Variants in USP45 observed in about 807,000 individuals in gnomAD.
USP45 encodes ubiquitin specific peptidase 45, also known as ubiquitin carboxyl-terminal hydrolase 45.
Under a neutral mutation model 95.8 loss-of-function variants are expected in USP45, and 89 were observed. The observed-to-expected ratio is 0.93, with a 90% CI of 0.78 to 1.11. USP45 has a LOEUF of 1.11. Among genes scored for constraint, USP45 ranks in the 50% least tolerant of loss-of-function variants. The probability of loss-of-function intolerance (pLI) is 0.00; values close to 1 mark genes in which losing one functional copy is unlikely to be tolerated. For synonymous variants in USP45, 281 were observed against 316.2 expected (o/e 0.89, Z 1.18); for missense variants, 898 against 942.5 (o/e 0.95, Z 0.62).
At chr6:99,460,076 GCTAA>G (rs1365430062) in intron 13 of USP45, among the ~76,000 whole-genome samples, 3 of 152,004 alleles carry the variant, frequency 2.0e-5, no homozygotes, top group African/African-American at 4.8e-5. Flanking sequence ...TTCCACCAGT[GCTAA>G]CTTTCATTTG....
chr6:99,457,492 G>C (rs571578281), intron 13 of USP45, among the ~76,000 whole-genome samples: 7 of 152,220 alleles, frequency 4.6e-5, no homozygotes, highest in Admixed American at 1.3e-4. Flanking sequence ...CAGGTTCCCC[G>C]ATACCTGACT....
intron 7 of USP45, 75 bp downstream of exon 7, chr6:99,488,125 G>A (rs895041086): frequency 9.1e-5 from 88 of 966,502 alleles, no homozygotes; most frequent in Middle Eastern, 6.2e-4. Flanking sequence ...ACTGATCTGC[G>A]AATTAGGAAA....
intron 1 of USP45, among the ~76,000 whole-genome samples, chr6:99,512,348 G>A (rs7775372): frequency 2.0e-5 from 3 of 151,892 alleles, no homozygotes; most frequent in African/African-American, 7.3e-5. Context: ...GGGGCCCATA[G>A]AATACTCTTT....
intron 9 of USP45, among the ~76,000 whole-genome samples, chr6:99,472,093 A>G (rs1425943126): frequency 1.3e-5 from 2 of 152,224 alleles, no homozygotes; most frequent in Admixed American, 1.3e-4. Flanking sequence ...AAAGACTGCT[A>G]TCAAATTATA....
chr6:99,516,141 T>A (rs949199106), upstream of USP45, among the ~76,000 whole-genome samples: 2 of 151,994 alleles, frequency 1.3e-5, no homozygotes, highest in Non-Finnish European at 2.9e-5. Flanking sequence ...TCATATATTA[T>A]TGTGGTTTTT....
chr6:99,516,227 T>G (rs1045214410), upstream of USP45, among the ~76,000 whole-genome samples: 4 of 152,212 alleles, frequency 2.6e-5, no homozygotes, highest in African/African-American at 4.8e-5. Flanking sequence ...CACCTATACC[T>G]CCTCAAAGCC....
intron 11 of USP45, among the ~76,000 whole-genome samples, chr6:99,465,626 A>G (rs1420426071): frequency 6.6e-6 from 1 of 152,188 alleles, no homozygotes; most frequent in Non-Finnish European, 1.5e-5. Context: ...TTAAATAATC[A>G]TGGTCATGCA....
intron 13 of USP45, among the ~76,000 whole-genome samples, chr6:99,453,311 A>G (rs1007192833): frequency 6.6e-6 from 1 of 152,236 alleles, no homozygotes; most frequent in Non-Finnish European, 1.5e-5. Context: ...CAAATTCAGT[A>G]AAGTTGTTGA....
At chr6:99,464,840 A>G (rs1787525218) in intron 12 of USP45, 93 bp from the exon 13 acceptor site, 1 of 1,326,756 alleles carries the variant, frequency 7.5e-7, no homozygotes, top group Non-Finnish European at 1.0e-6. Context: ...TTGAAATACA[A>G]AAAATTAACA....
intron 7 of USP45, 110 bp from the exon 8 acceptor site, chr6:99,482,993 T>G: frequency 1.1e-6 from 1 of 890,540 alleles, no homozygotes; most frequent in Non-Finnish European, 1.5e-6. Context: ...TTGCCTCAAT[T>G]GTATTAAGAA....
chr6:99,446,598 G>A, intron 13 of USP45, 135 bp from the exon 14 acceptor site: 1 of 837,656 alleles, frequency 1.2e-6, no homozygotes, highest in South Asian at 1.9e-5. Context: ...CTGAAACTAA[G>A]ATCACTAGAA....
chr6:99,453,773 G>A (rs777835213), intron 13 of USP45, among the ~76,000 whole-genome samples: 7 of 152,022 alleles, frequency 4.6e-5, no homozygotes, highest in Non-Finnish European at 7.4e-5. Context: ...AGTCTGGCCA[G>A]CACGGTGAAA....
At chr6:99,474,455 C>T (rs1012168173) in intron 9 of USP45, among the ~76,000 whole-genome samples, 2 of 152,172 alleles carry the variant, frequency 1.3e-5, no homozygotes, top group African/African-American at 4.8e-5. Context: ...ACCTTGGCCT[C>T]CCAGAGTGCT....
intron 17 of USP45, 48 bp from the exon 18 acceptor site, chr6:99,435,894 TTCTTAC>T (rs1314777153): frequency 6.5e-7 from 1 of 1,540,332 alleles, no homozygotes; most frequent in Non-Finnish European, 8.8e-7. Context: ...ATGCTTTAGG[TTCTTAC>T]TCTAAATTAC....
intron 17 of USP45, among the ~76,000 whole-genome samples, chr6:99,436,824 G>T (rs1370882943): frequency 1.3e-5 from 2 of 152,136 alleles, no homozygotes; most frequent in Non-Finnish European, 2.9e-5. Context: ...TTGAGGCTGG[G>T]CATGGTGGCT....
Position 99,510,120 on chromosome 6 carries a change from C to T in USP45, c.100+1G>A. On this transcript the variant is annotated splice_donor_variant, in intron 2 of 17. Coordinates refer to ENST00000500704, the MANE Select transcript of USP45 (RefSeq NM_001346022.3). LOFTEE classifies it high-confidence loss of function. ...TTGGGATGCCATATATCACAATTTA[C>T]CAGCAATATCATCTGAAGAGTCTTC... 9 of 1,604,664 alleles carry T rather than the reference C, an allele frequency of 5.6e-6. No homozygotes were observed. Among genetic ancestry groups the T allele is most frequent in the Non-Finnish European group, 7.7e-6 (9 of 1,172,142 alleles).
intron 12 of USP45, 56 bp downstream of exon 12, chr6:99,465,024 A>C: frequency 7.1e-7 from 1 of 1,414,830 alleles, no homozygotes; most frequent in Non-Finnish European, 9.7e-7. Context: ...CAAATGTTTA[A>C]ATAAATGATT....
intron 15 of USP45, among the ~76,000 whole-genome samples, chr6:99,440,218 T>C (rs1781264798): frequency 6.6e-6 from 1 of 152,218 alleles, no homozygotes; most frequent in East Asian, 1.9e-4. Flanking sequence ...TAGGCCTAAC[T>C]CAGTGACTGG....
In USP45 at chr6:99,498,110, T is replaced by C. The variant is rs142560737; in HGVS notation, c.478+5655A>G. 2.0e-3 allele frequency among the ~76,000 whole-genome samples: 300 copies of C among 152,314 alleles called. 2 individuals are homozygous for C. Among genetic ancestry groups the C allele is most frequent in the Non-Finnish European group, 1.1e-3 (78 of 68,030 alleles). On this transcript the variant is annotated intron_variant, in intron 5 of 17. Coordinates refer to ENST00000500704, the MANE Select transcript of USP45 (RefSeq NM_001346022.3). ...AGTGCAATTTGTCTATATCCCTCAA[T>C]AGACCAAAAGATCAGTAATGACAGG...
Sources: allele counts gnomAD v4.1 joint callset (sites outside exome capture counted in the v4.1 genomes callset), GRCh38; gene constraint gnomAD v4.1.1; transcripts MANE v1.5; gene names NCBI Gene and HGNC (gene_info 2026-07-23, HGNC 2026-07-21).